The following KCNH2 variants were observed in gnomAD, a reference collection of about 807,000 sequenced individuals.
KCNH2 encodes the protein potassium voltage-gated channel subfamily H member 2, also known as voltage-gated inwardly rectifying potassium channel KCNH2.
A neutral mutation model predicts 95.9 loss-of-function variants in KCNH2; 35 were observed. The observed-to-expected ratio is 0.37, with a 90% CI of 0.28 to 0.48. The LOEUF (loss-of-function observed/expected upper bound fraction) is 0.48. Ranked by LOEUF, KCNH2 falls within the 20% of genes least tolerant of loss-of-function variation. The probability of loss-of-function intolerance (pLI) is 0.99; values close to 1 mark genes in which losing one functional copy is unlikely to be tolerated. For synonymous variants in KCNH2, 786 were observed against 754.7 expected, an observed-to-expected ratio of 1.04 and a Z score of -0.68; for missense variants, 1,274 against 1,702.9, an observed-to-expected ratio of 0.75 and a Z score of 4.43.
chr7:150,968,150 G>A lies in KCNH2; in HGVS notation c.307+6561C>T, dbSNP rs146382981. On this transcript the variant is annotated intron_variant, in intron 2 of 14. Coordinates refer to ENST00000262186, the MANE Select transcript of KCNH2 (RefSeq NM_000238.4). ...AATGTCGAGAGTGGCCAAGATATGC[G>A]GGTATGGGAATCTCGAGCTCTGAGA... is the stretch of plus-strand genomic sequence containing the variant. Among the ~76,000 whole-genome samples the A allele has an allele frequency of 1.2e-3, 178 of 152,332 alleles. 1 individual carries two copies. The highest frequency in any genetic ancestry group is 3.8e-3 in the African/African-American group (160 of 41,584).
At chr7:150,975,838 G>A (rs1258729276) in intron 1 of KCNH2, among the ~76,000 whole-genome samples, 1 of 152,232 alleles carries the variant, frequency 6.6e-6, no homozygotes, top group Non-Finnish European at 1.5e-5. Flanking sequence ...GGACACACCT[G>A]GAGCCTGGGC....
chr7:150,969,900 G>A (rs1414528418), intron 2 of KCNH2, among the ~76,000 whole-genome samples: 2 of 152,042 alleles, frequency 1.3e-5, no homozygotes, highest in Non-Finnish European at 2.9e-5. Context: ...GATCTTTATG[G>A]GCAAGACTAA....
At position 150,947,685 on chromosome 7, in the gene KCNH2, C is replaced by T. The variant is rs774873967; in HGVS notation, c.2886G>A (p.Arg962=). 40 of 1,600,920 alleles carry T rather than the reference C, an allele frequency of 2.5e-5. No individual in the cohort carries two copies. The Middle Eastern group carries it at 5.0e-4, about 20-fold the overall frequency. Residue 962 remains arginine (R), a synonymous_variant, in exon 12 of 15, where the codon AGG becomes AGA. Coordinates refer to ENST00000262186, the MANE Select transcript of KCNH2 (RefSeq NM_000238.4). The part of the protein sequence containing the change: ...PLRLVPFSSP[R]PPGEPPGGEP... ...CCCCACCCGGCGGCTCTCCGGGGGG[C>T]CTGGGGCTGGAGAAGGGCACCAGGC...
chr7:150,955,337 AGC>A, intron 5 of KCNH2: 1 of 1,501,468 alleles, frequency 6.7e-7, no homozygotes, highest in Non-Finnish European at 9.1e-7. Flanking sequence ...CCCTTGGGCC[AGC>A]CACCTGCCTC....
chr7:150,950,145 A>AGGGGGGGGGGGGGGGGGGGGGGCGG, intron 9 of KCNH2, 23 bp downstream of exon 9: 1 of 1,424,934 alleles, frequency 7.0e-7, no homozygotes, highest in East Asian at 2.8e-5. Flanking sequence ...TTTCCAGTCC[A>AGGGGGGGGGGGGGGGGGGGGGGCGG]GTGCCCGCCC....
At position 150,952,720 on chromosome 7, in the gene KCNH2, G is replaced by A. The variant is rs199472894; in HGVS notation, c.1262C>T (p.Thr421Met). The A allele has an allele frequency of 2.5e-6, 4 of 1,614,204 alleles. No individual in the cohort carries two copies. The highest frequency in any genetic ancestry group is 3.4e-6 in the Non-Finnish European group (4 of 1,180,034). ...DWLILLLVIY[T>M]AVFTPYSAAF... is the part of the protein sequence containing the mutation. The stretch of plus-strand genomic sequence containing the variant: ...AGCCGAGTAGGGTGTGAAGACAGCC[G>A]TGTAGATGACCAGCAGCAGGATGAG... Residue 421 changes from threonine to methionine, a missense_variant, in exon 6 of 15, where the codon ACG becomes ATG. By Grantham distance (81) the Thr-to-Met change is moderately conservative. Coordinates refer to ENST00000262186, the MANE Select transcript of KCNH2 (RefSeq NM_000238.4). The surrounding 1 kb of genome is among the most constrained non-coding windows in gnomAD (Gnocchi z 7.3).
Position 150,974,958 on chromosome 7 carries a change from G to A in KCNH2, c.77-17C>T, listed in dbSNP as rs773003226. 5 of 1,571,218 alleles carry A rather than the reference G, an allele frequency of 3.2e-6. No homozygotes were observed. Among genetic ancestry groups the A allele is most frequent in the Non-Finnish European group, 4.3e-6 (5 of 1,159,272 alleles). On this transcript the variant is annotated splice_polypyrimidine_tract_variant and intron_variant, in intron 1 of 14. Transcript: ENST00000262186. Reference sequence around the variant, plus strand: ...ACTTACGGCCTAGGGGGGCGGGGAGGAGAGTGCGCGTGAGCGGGGACCCCA... The same window carrying A: ...ACTTACGGCCTAGGGGGGCGGGGAGAAGAGTGCGCGTGAGCGGGGACCCCA...
At chr7:150,970,291 G>A (rs1163436960) in intron 2 of KCNH2, among the ~76,000 whole-genome samples, 1 of 140,214 alleles carries the variant, frequency 7.1e-6, no homozygotes, top group Non-Finnish European at 1.5e-5. Context: ...TGGCCCTTCT[G>A]CTGCCCCATG....
intron 1 of KCNH2, among the ~76,000 whole-genome samples, chr7:150,976,375 A>ACCTCCCAGG (rs1801980277): frequency 1.3e-5 from 2 of 151,370 alleles, no homozygotes. Flanking sequence ...GGCCCCCCAG[A>ACCTCCCAGG]CCTCCCAGGC....
At chr7:150,955,698 G>A (rs1801347590) in intron 5 of KCNH2, 2 of 1,355,736 alleles carry the variant, frequency 1.5e-6, no homozygotes, top group Non-Finnish European at 1.9e-6. Flanking sequence ...GGCAGTAAGC[G>A]TGGGCAGCAG....
chr7:150,957,956 C>A, intron 4 of KCNH2, 103 bp downstream of exon 4: 1 of 918,180 alleles, frequency 1.1e-6, no homozygotes, highest in Non-Finnish European at 1.5e-6. Context: ...CCCAGGCACC[C>A]AGGACGTAGT....
In KCNH2 at chr7:150,945,533, A is replaced by G. The variant is rs1413659976; in HGVS notation, c.3331-19T>C. On this transcript the variant is annotated intron_variant, in intron 14 of 14. Transcript: ENST00000262186. The surrounding 1 kb of genome is among the most constrained non-coding windows in gnomAD (Gnocchi z 5.6). Reference sequence around the variant, plus strand: ...GGGAAACCTGCAATACACACAGAGCATGGGCAGGCGAAGAGGCCATGGAGG... The same window carrying G: ...GGGAAACCTGCAATACACACAGAGCGTGGGCAGGCGAAGAGGCCATGGAGG... 5.1e-6 allele frequency: 8 copies of G among 1,556,092 alleles called. No individual in the cohort carries two copies. The highest frequency in any genetic ancestry group is 1.7e-4 in the Middle Eastern group (1 of 6,014).
intron 2 of KCNH2, among the ~76,000 whole-genome samples, chr7:150,972,598 G>A (rs892682866): frequency 6.6e-6 from 1 of 152,254 alleles, no homozygotes; most frequent in Non-Finnish European, 1.5e-5. Flanking sequence ...TGAGAGTGAA[G>A]AAGGGGACAG....
In KCNH2 at chr7:150,966,433, C is replaced by T. The variant is rs534228603; in HGVS notation, c.308-6697G>A. The stretch of plus-strand genomic sequence containing the variant: ...CAGGACACTGTGAAGCACCAACAAA[C>T]AAATACGAGTGCTAATGAAAAGCCC... On this transcript the variant is annotated intron_variant, in intron 2 of 14. Transcript: ENST00000262186. 5.7e-4 allele frequency among the ~76,000 whole-genome samples: 67 copies of T among 118,570 alleles called. 3 individuals carry two copies. In the South Asian group the frequency reaches 0.017, roughly 31 times the overall value. 77.8% of individuals were successfully genotyped at this position (118,570 alleles called of 152,430 possible).
intron 8 of KCNH2, 51 bp from the exon 9 acceptor site, chr7:150,950,471 ACC>A: frequency 6.3e-7 from 1 of 1,597,862 alleles, no homozygotes; most frequent in Non-Finnish European, 8.5e-7. Flanking sequence ...GGACCCCCCA[ACC>A]CACACTCTAC....
At position 150,951,748 on chromosome 7, in the gene KCNH2, C is replaced by T. The variant is rs1257206721; in HGVS notation, c.1645G>A (p.Val549Met). The stretch of plus-strand genomic sequence containing the variant: ...AAGGTGCACATGAGCAAGAACAGCA[C>T]GGCCGCGCCGTACTCTGAGTAGCGA... ...LDRYSEYGAA[V>M]LFLLMCTFAL... The change falls in exon 7 of 15, where the codon GTG becomes ATG. Residue 549 changes from valine to methionine, a missense_variant. Around this residue, in one of 7 missense-constraint regions of KCNH2, gnomAD observed 147 missense variants for 344.4 expected, o/e 0.43. Coordinates refer to ENST00000262186, the MANE Select transcript of KCNH2 (RefSeq NM_000238.4). 3 of 1,610,384 alleles carry T rather than the reference C, an allele frequency of 1.9e-6. No homozygotes were observed. Among genetic ancestry groups the T allele is most frequent in the Admixed American group, 1.7e-5 (1 of 59,974 alleles).
intron 9 of KCNH2, chr7:150,949,271 C>G: frequency 1.5e-6 from 2 of 1,324,982 alleles, no homozygotes; most frequent in Non-Finnish European, 2.0e-6. Flanking sequence ...AGCCCAGGGT[C>G]TCCCAGCAAA....
intron 3 of KCNH2, among the ~76,000 whole-genome samples, chr7:150,959,179 T>A (rs1483624774): frequency 6.6e-6 from 1 of 151,982 alleles, no homozygotes; most frequent in East Asian, 1.9e-4. Context: ...CACAGCTGAG[T>A]CCATAGGACA....
rs76547432 is a variant in KCNH2 at position 150,947,405 on chromosome 7, G to A, written c.3075C>T (p.Ile1025=). 16 of 1,532,852 alleles carry A rather than the reference G, an allele frequency of 1.0e-5. No individual in the cohort carries two copies. Among genetic ancestry groups the A allele is most frequent in the Middle Eastern group, 1.8e-4 (1 of 5,628 alleles). 95.0% of individuals were successfully genotyped at this position (1,532,852 alleles called of 1,614,324 possible). Residue 1025 remains isoleucine, a synonymous_variant, in exon 13 of 15, where the codon ATC becomes ATT. Transcript: ENST00000262186. ...CPAPTPSLLN[I]PLSSPGRRPR... ...GCCGCCGACCCGGGCTGGAGAGGGG[G>A]ATGTTGAGGAGGCTGGGGGTGGGGG...
Sources: allele counts gnomAD v4.1 joint callset (sites outside exome capture counted in the v4.1 genomes callset), GRCh38; gene constraint gnomAD v4.1.1; regional missense constraint gnomAD v4.1.1; non-coding constraint Gnocchi (gnomAD v3.1); transcripts MANE v1.5; gene names NCBI Gene and HGNC (gene_info 2026-07-23, HGNC 2026-07-21).